The following GRIK3 variants were observed in gnomAD, a reference collection of about 807,000 sequenced individuals.
GRIK3 encodes glutamate ionotropic receptor kainate type subunit 3.
GRIK3 carries 29 observed loss-of-function variants against 102.5 expected under a neutral mutation model. The ratio of observed to expected loss-of-function variants is 0.28; its 90% CI spans 0.21 to 0.39. The LOEUF is 0.39. GRIK3 is among the 10% of genes least tolerant of loss of function. The pLI is 1.00. For missense variants in GRIK3, 908 were observed against 1,252.4 expected (o/e 0.73, Z 4.15); for synonymous variants, 511 against 504.9 (o/e 1.01, Z -0.16).
chr1:36,932,739 T>C (rs1294931641), intron 1 of GRIK3, among the ~76,000 whole-genome samples: 5 of 152,198 alleles, frequency 3.3e-5, no homozygotes, highest in Non-Finnish European at 7.3e-5. Flanking sequence ...TTCTCTACAT[T>C]TTTGAAGAGG....
intron 1 of GRIK3, among the ~76,000 whole-genome samples, chr1:37,016,113 C>T (rs1024877915): frequency 6.6e-6 from 1 of 152,228 alleles, no homozygotes; most frequent in Non-Finnish European, 1.5e-5. Context: ...CCACTGTTCA[C>T]TTTAAGGTTA....
chr1:37,005,697 T>C (rs77582590), intron 1 of GRIK3, among the ~76,000 whole-genome samples: 7 of 152,350 alleles, frequency 4.6e-5, no homozygotes, highest in Non-Finnish European at 8.8e-5. Flanking sequence ...CATCGTTTGT[T>C]CACTTGTCAG....
intron 1 of GRIK3, among the ~76,000 whole-genome samples, chr1:36,958,251 C>T (rs1443687106): frequency 1.3e-4 from 8 of 60,156 alleles, no homozygotes; most frequent in Non-Finnish European, 1.9e-4. Flanking sequence ...CTGTGTGTCC[C>T]ATGACTCTGT....
intron 1 of GRIK3, among the ~76,000 whole-genome samples, chr1:36,970,121 C>T (rs1246369004): frequency 6.6e-6 from 1 of 152,088 alleles, no homozygotes; most frequent in Non-Finnish European, 1.5e-5. Flanking sequence ...TTAGCAGCCA[C>T]CAAAGGTTTA....
At chr1:37,030,666 A>G (rs546186689) in intron 1 of GRIK3, among the ~76,000 whole-genome samples, 8 of 151,894 alleles carry the variant, frequency 5.3e-5, no homozygotes, top group Admixed American at 5.2e-4. Context: ...AGAGCTGGCC[A>G]GGCTTCCCCA....
intron 1 of GRIK3, among the ~76,000 whole-genome samples, chr1:36,946,999 T>C (rs1641791653): frequency 6.6e-6 from 1 of 152,092 alleles, no homozygotes; most frequent in Admixed American, 6.5e-5. Flanking sequence ...GAAGCCCAGA[T>C]ACTTGGGATT....
At position 36,801,846 on chromosome 1, in the gene GRIK3, T is replaced by A; in HGVS notation, c.*5A>T. 1 of 1,592,024 alleles carries A rather than the reference T, an allele frequency of 6.3e-7. No individual in the cohort carries two copies. Among genetic ancestry groups the A allele is most frequent in the Admixed American group, 1.7e-5 (1 of 58,194 alleles). On this transcript the variant is annotated 3_prime_UTR_variant, in exon 16 of 16. Transcript: ENST00000373091. ...CCAGGCCTGAGGTCCCCACCCCAGC[T>A]GTGCCTAGGGGAACACAGGGGCTAA...
At chr1:36,876,574 T>C (rs1436656032) in intron 3 of GRIK3, among the ~76,000 whole-genome samples, 2 of 152,230 alleles carry the variant, frequency 1.3e-5, no homozygotes, top group East Asian at 3.8e-4. Flanking sequence ...TAACGGTTTA[T>C]TGCTTGAGTC....
At chr1:37,032,133 G>C (rs1477679824) in intron 1 of GRIK3, among the ~76,000 whole-genome samples, 1 of 152,168 alleles carries the variant, frequency 6.6e-6, no homozygotes, top group Admixed American at 6.5e-5. Context: ...AAGAAAGGGC[G>C]GGCAGGCTTG....
At chr1:36,920,243 T>G (rs1381504531) in intron 1 of GRIK3, among the ~76,000 whole-genome samples, 2 of 152,198 alleles carry the variant, frequency 1.3e-5, no homozygotes, top group Non-Finnish European at 2.9e-5. Flanking sequence ...GTGCAGTTCT[T>G]GTGCCAGCTC....
chr1:36,992,940 T>C (rs1642378723), intron 1 of GRIK3, among the ~76,000 whole-genome samples: 1 of 152,134 alleles, frequency 6.6e-6, no homozygotes, highest in Admixed American at 6.5e-5. Flanking sequence ...TGAGATGGGA[T>C]GGTAAGTCAG....
chr1:36,945,837 C>T (rs761351937), intron 1 of GRIK3, among the ~76,000 whole-genome samples: 2 of 152,222 alleles, frequency 1.3e-5, no homozygotes, highest in Non-Finnish European at 2.9e-5. Context: ...GGATGTTCTG[C>T]TCTTCCTACC....
intron 9 of GRIK3, among the ~76,000 whole-genome samples, chr1:36,846,333 G>A (rs1301859105): frequency 6.6e-6 from 1 of 152,222 alleles, no homozygotes; most frequent in Non-Finnish European, 1.5e-5. Context: ...CCAGGGTAAG[G>A]CATCTTTAGC....
chr1:36,813,764 G>T (rs548039542), intron 13 of GRIK3, among the ~76,000 whole-genome samples: 1 of 145,400 alleles, frequency 6.9e-6, no homozygotes, highest in African/African-American at 2.6e-5. Context: ...GGGGCGGGGG[G>T]TGGTGCTTCT....
At chr1:36,883,987 A>G (rs1641011648) in intron 2 of GRIK3, among the ~76,000 whole-genome samples, 1 of 152,236 alleles carries the variant, frequency 6.6e-6, no homozygotes, top group Non-Finnish European at 1.5e-5. Flanking sequence ...AGATATAGCA[A>G]TGTGATGAGC....
In GRIK3 at chr1:36,880,027, G is replaced by A. The variant is rs1414527795; in HGVS notation, c.550+607C>T. Among the ~76,000 whole-genome samples, 3 of 152,152 alleles carry A rather than the reference G, an allele frequency of 2.0e-5. No individual in the cohort carries two copies. The highest frequency in any genetic ancestry group is 1.3e-4 in the Admixed American group (2 of 15,286). ...GTGTGTGTGGCGGGTGAAGGTGTGA[G>A]GAGGATGAGAAGAACCAACCTTCAG... On this transcript the variant is annotated intron_variant, in intron 3 of 15. Coordinates refer to ENST00000373091, the MANE Select transcript of GRIK3 (RefSeq NM_000831.4). This position sits in a 1 kb window ranked among gnomAD's most constrained non-coding sequence, Gnocchi z 5.4.
chr1:36,871,012 G>A (rs1275369339), intron 4 of GRIK3, among the ~76,000 whole-genome samples: 1 of 152,178 alleles, frequency 6.6e-6, no homozygotes, highest in Non-Finnish European at 1.5e-5. Context: ...GTGTTTCCTC[G>A]ACAGCAGCTT....
At chr1:36,977,649 A>G (rs1642209084) in intron 1 of GRIK3, among the ~76,000 whole-genome samples, 1 of 152,190 alleles carries the variant, frequency 6.6e-6, no homozygotes, top group South Asian at 2.1e-4. Flanking sequence ...CCAAGGCAAC[A>G]GTTTTCTGGG....
Position 36,806,213 on chromosome 1 carries a change from C to G in GRIK3, c.2205G>C (p.Ala735=). ...CGATGGTGGTGGACTCCATGAGCAG[C>G]GCGTAGTCGGCCGTCAGGGCCCTCT... ...GIQRALTADY[A]LLMESTTIEY... is the part of the protein sequence containing the mutation. Residue 735 remains alanine, a synonymous_variant, in exon 14 of 16, where the codon GCG becomes GCC. Coordinates refer to ENST00000373091, the MANE Select transcript of GRIK3 (RefSeq NM_000831.4). The surrounding 1 kb of genome is among the most constrained non-coding windows in gnomAD (Gnocchi z 4.0). 1.9e-6 allele frequency: 3 copies of G among 1,614,116 alleles called. No individual in the cohort carries two copies. The highest frequency in any genetic ancestry group is 1.7e-5 in the Admixed American group (1 of 60,032).
Sources: allele counts gnomAD v4.1 joint callset (sites outside exome capture counted in the v4.1 genomes callset), GRCh38; gene constraint gnomAD v4.1.1; non-coding constraint Gnocchi (gnomAD v3.1); transcripts MANE v1.5; gene names NCBI Gene and HGNC (gene_info 2026-07-23, HGNC 2026-07-21).